The following CCSER1 variants were observed in gnomAD, a reference collection of about 807,000 sequenced individuals.
CCSER1 encodes the protein serine-rich coiled-coil domain-containing protein 1.
Under a neutral mutation model 82.0 loss-of-function variants are expected in CCSER1, and 41 were observed. The observed-to-expected ratio is 0.50, with a 90% CI of 0.39 to 0.65. CCSER1 has a LOEUF of 0.65. Among genes scored for constraint, CCSER1 ranks in the 30% least tolerant of loss-of-function variants. The pLI is 0.00. For synonymous variants in CCSER1, 414 were observed against 383.9 expected (o/e 1.08, Z -0.92); for missense variants, 1,119 against 1,064.2 (o/e 1.05, Z -0.72).
chr4:91,348,110 G>A (rs1205093120), intron 10 of CCSER1, among the ~76,000 whole-genome samples: 1 of 152,052 alleles, frequency 6.6e-6, no homozygotes, highest in East Asian at 1.9e-4. Flanking sequence ...TTAGCTGTAA[G>A]TGTTTATAGA....
intron 5 of CCSER1, among the ~76,000 whole-genome samples, chr4:90,510,460 A>G (rs1251125573): frequency 6.6e-6 from 1 of 152,240 alleles, no homozygotes; most frequent in Non-Finnish European, 1.5e-5. Flanking sequence ...TATCTTAAAA[A>G]TAAACCCTTG....
At chr4:90,821,864 C>T (rs1344477603) in intron 8 of CCSER1, among the ~76,000 whole-genome samples, 1 of 151,846 alleles carries the variant, frequency 6.6e-6, no homozygotes, top group African/African-American at 2.4e-5. Flanking sequence ...AAATATTATC[C>T]TCAGGTTACT....
At chr4:90,174,818 C>G (rs1389520047) in intron 1 of CCSER1, among the ~76,000 whole-genome samples, 1 of 151,836 alleles carries the variant, frequency 6.6e-6, no homozygotes, top group Non-Finnish European at 1.5e-5. Flanking sequence ...AAGTGGCAAA[C>G]CTATTAGAGA....
chr4:90,480,743 G>C (rs1414424045), intron 5 of CCSER1, among the ~76,000 whole-genome samples: 6 of 152,124 alleles, frequency 3.9e-5, no homozygotes, highest in Non-Finnish European at 7.4e-5. Context: ...CTATATCTCT[G>C]TTTTGGTACC....
At chr4:91,573,019 T>C (rs1360416066) in intron 10 of CCSER1, among the ~76,000 whole-genome samples, 2 of 151,838 alleles carry the variant, frequency 1.3e-5, no homozygotes, top group Non-Finnish European at 2.9e-5. Context: ...CTGGAAAACA[T>C]GGAGGTGAGA....
chr4:91,567,032 T>C (rs1762923185), intron 10 of CCSER1, among the ~76,000 whole-genome samples: 1 of 152,132 alleles, frequency 6.6e-6, no homozygotes, highest in Non-Finnish European at 1.5e-5. Flanking sequence ...CATTTAGTGC[T>C]ATGAATTTCC....
chr4:90,359,315 A>G (rs934790064), intron 3 of CCSER1, among the ~76,000 whole-genome samples: 7 of 152,216 alleles, frequency 4.6e-5, no homozygotes, highest in African/African-American at 1.7e-4. Context: ...AAAATGAGTT[A>G]TAACTGTGTA....
intron 5 of CCSER1, among the ~76,000 whole-genome samples, chr4:90,545,671 C>G (rs1376827182): frequency 6.6e-6 from 1 of 152,046 alleles, no homozygotes; most frequent in Non-Finnish European, 1.5e-5. Context: ...TTTCATGGAT[C>G]CAAAAGGAAA....
intron 7 of CCSER1, among the ~76,000 whole-genome samples, chr4:90,805,203 A>G (rs915482826): frequency 6.6e-6 from 1 of 152,174 alleles, no homozygotes; most frequent in Non-Finnish European, 1.5e-5. Context: ...GAATGATTCA[A>G]CTGGGAAGTT....
chr4:90,839,956 T>C (rs1202488905), intron 8 of CCSER1, among the ~76,000 whole-genome samples: 1 of 152,068 alleles, frequency 6.6e-6, no homozygotes, highest in Admixed American at 6.6e-5. Flanking sequence ...GTAGATGGGA[T>C]TGAAGTTATT....
intron 7 of CCSER1, among the ~76,000 whole-genome samples, chr4:90,776,659 A>G (rs17185779): frequency 6.6e-6 from 1 of 151,998 alleles, no homozygotes; most frequent in Admixed American, 6.5e-5. Context: ...CTCCTAAATT[A>G]TTTACATGTA....
intron 10 of CCSER1, among the ~76,000 whole-genome samples, chr4:91,546,699 C>T (rs988905831): frequency 6.6e-6 from 1 of 151,636 alleles, no homozygotes. Context: ...TGTTTCATTG[C>T]TCTCTATTGA....
intron 9 of CCSER1, among the ~76,000 whole-genome samples, chr4:91,022,934 CA>C (rs1246901328): frequency 1.3e-5 from 2 of 152,062 alleles, no homozygotes; most frequent in African/African-American, 4.8e-5. Context: ...GAGTAGATTG[CA>C]AAAATTTTCT....
intron 10 of CCSER1, among the ~76,000 whole-genome samples, chr4:91,165,983 GGAA>G (rs1732016572): frequency 6.6e-6 from 1 of 152,204 alleles, no homozygotes; most frequent in East Asian, 1.9e-4. Flanking sequence ...TACCTCAGTA[GGAA>G]ATGCAGAAAT....
At chr4:90,312,756 A>C in intron 2 of CCSER1, 107 bp from the exon 3 acceptor site, 1 of 851,276 alleles carries the variant, frequency 1.2e-6, no homozygotes, top group South Asian at 1.8e-5. Context: ...CTTGTGATAG[A>C]GAAACTTTGA....
chr4:90,438,403 C>T (rs1013319758), intron 4 of CCSER1, among the ~76,000 whole-genome samples: 3 of 152,086 alleles, frequency 2.0e-5, no homozygotes, highest in Non-Finnish European at 4.4e-5. Context: ...TATAGTTTCA[C>T]TTGTGTTCTT....
chr4:91,200,943 A>G (rs985181789), intron 10 of CCSER1, among the ~76,000 whole-genome samples: 1 of 151,122 alleles, frequency 6.6e-6, no homozygotes, highest in African/African-American at 2.5e-5. Flanking sequence ...ATCTAGTTGA[A>G]AAATCTCTCA....
intron 10 of CCSER1, among the ~76,000 whole-genome samples, chr4:91,569,896 G>A (rs190871407): frequency 1.1e-4 from 16 of 152,186 alleles, no homozygotes; most frequent in Admixed American, 9.2e-4. Context: ...CAAGTCCAAA[G>A]TCTCATGGGA....
chr4:90,482,378 C>G (rs953130969), intron 5 of CCSER1, among the ~76,000 whole-genome samples: 1 of 152,084 alleles, frequency 6.6e-6, no homozygotes, highest in Non-Finnish European at 1.5e-5. Context: ...TCCTTCAGTT[C>G]TGCTCTGATC....
Sources: allele counts gnomAD v4.1 joint callset (sites outside exome capture counted in the v4.1 genomes callset), GRCh38; gene constraint gnomAD v4.1.1; transcripts MANE v1.5; gene names NCBI Gene and HGNC (gene_info 2026-07-23, HGNC 2026-07-21).